LRPPRC: variants seen among roughly 807,000 people sequenced by gnomAD.
The protein encoded by LRPPRC is leucine-rich PPR motif-containing protein, mitochondrial.
LRPPRC carries 120 observed loss-of-function variants against 180.3 expected under a neutral mutation model. That is an observed-to-expected ratio of 0.67 (90% confidence interval 0.57 to 0.77). The LOEUF is 0.77. LRPPRC is among the 30% of genes least tolerant of loss of function. The pLI, the probability that LRPPRC is intolerant of heterozygous loss-of-function variation, is 0.00. For missense variants in LRPPRC, 2,012 were observed against 1,657.2 expected, an observed-to-expected ratio of 1.21 and a Z score of -3.72; for synonymous variants, 723 against 600.0, an observed-to-expected ratio of 1.21 and a Z score of -3.00.
chr2:43,979,409 T>C (rs940535352), intron 3 of LRPPRC, among the ~76,000 whole-genome samples: 1 of 152,174 alleles, frequency 6.6e-6, no homozygotes, highest in Non-Finnish European at 1.5e-5. Flanking sequence ...ATAATTTATT[T>C]ACCTAATCCC....
Position 43,943,806 on chromosome 2 carries a change from G to T in LRPPRC, c.2385C>A (p.Gly795=). ...TALSFFHMLN[G]AALRGEIETV... ...TTTCAATTTCACCTCTTAAAGCTGC[G>T]CCATTTAGCATGTGGAAAAAGGACA... Residue 795 remains glycine, a synonymous_variant, in exon 23 of 38, where the codon GGC becomes GGA. Coordinates refer to ENST00000260665, the MANE Select transcript of LRPPRC (RefSeq NM_133259.4). 1 of 1,613,330 alleles carries T rather than the reference G, an allele frequency of 6.2e-7. No homozygotes were observed.
At chr2:43,986,152 A>G in intron 1 of LRPPRC, among the ~76,000 whole-genome samples, 1 of 151,910 alleles carries the variant, frequency 6.6e-6, no homozygotes. Context: ...TTATTTTGAG[A>G]TGGAGTCTTG....
rs745666182 is a variant in LRPPRC at position 43,889,791 on chromosome 2, C to T, written c.4071G>A (p.Lys1357=). ...CATACTTCAGCAAAGATGCGTAACG[C>T]TTTAGAAACAGATCATCCAATTTTG... ...KNTKLDDLFL[K]RYASLLKYAG... The change falls in exon 37 of 38, where the codon AAG becomes AAA. Residue 1357 remains lysine, a synonymous_variant. Transcript: ENST00000260665. 1.2e-5 allele frequency: 19 copies of T among 1,611,694 alleles called. 1 individual carries two copies. In the Admixed American group the frequency reaches 3.2e-4, roughly 27 times the overall value.
In LRPPRC at chr2:43,979,956, A is replaced by T; in HGVS notation, c.347-8T>A. The stretch of plus-strand genomic sequence containing the variant: ...GACTACCACCTAGGCCACCTGTGGA[A>T]AAAAGGTTAATGGATAACATTTAAC... On this transcript the variant is annotated splice_polypyrimidine_tract_variant and splice_region_variant and intron_variant, in intron 2 of 37. Coordinates refer to ENST00000260665, the MANE Select transcript of LRPPRC (RefSeq NM_133259.4). The T allele has an allele frequency of 6.2e-7, 1 of 1,613,418 alleles. No individual in the cohort carries two copies. Among genetic ancestry groups the T allele is most frequent in the Non-Finnish European group, 8.5e-7 (1 of 1,179,416 alleles).
chr2:43,992,089 T>C (rs1489670023), intron 1 of LRPPRC, among the ~76,000 whole-genome samples: 2 of 152,092 alleles, frequency 1.3e-5, no homozygotes, highest in African/African-American at 2.4e-5. Context: ...GTGCACGTCA[T>C]AGTGTTAATG....
intron 30 of LRPPRC, among the ~76,000 whole-genome samples, chr2:43,909,131 A>G (rs1335467179): frequency 6.6e-6 from 1 of 152,244 alleles, no homozygotes; most frequent in African/African-American, 2.4e-5. Flanking sequence ...AGTTAGTTGG[A>G]TAATTCGTAA....
chr2:43,958,729 A>G (rs1673221004), intron 13 of LRPPRC, among the ~76,000 whole-genome samples: 1 of 152,144 alleles, frequency 6.6e-6, no homozygotes, highest in Non-Finnish European at 1.5e-5. Flanking sequence ...AAGATAATCC[A>G]TTTACTGTTC....
chr2:43,953,807 A>T (rs1210958371), intron 14 of LRPPRC, among the ~76,000 whole-genome samples: 1 of 152,204 alleles, frequency 6.6e-6, no homozygotes, highest in Non-Finnish European at 1.5e-5. Context: ...CAAAACAAAG[A>T]CACCAAGATT....
At chr2:43,905,138 CTG>C (rs764447237) in intron 31 of LRPPRC, among the ~76,000 whole-genome samples, 4 of 152,122 alleles carry the variant, frequency 2.6e-5, no homozygotes, top group African/African-American at 7.2e-5. Context: ...CAAACAAACA[CTG>C]TATTTTATTG....
intron 3 of LRPPRC, among the ~76,000 whole-genome samples, chr2:43,979,333 T>C (rs1483340717): frequency 6.6e-6 from 1 of 152,142 alleles, no homozygotes; most frequent in Non-Finnish European, 1.5e-5. Flanking sequence ...AACACCCCCA[T>C]TGGCATATAA....
intron 3 of LRPPRC, among the ~76,000 whole-genome samples, chr2:43,979,547 T>C (rs1167758259): frequency 1.3e-5 from 2 of 152,216 alleles, no homozygotes. Context: ...CTCGGTCAAA[T>C]GGTATGTGCA....
At chr2:43,899,373 C>T (rs1467148462) in intron 33 of LRPPRC, 39 bp from the exon 34 acceptor site, 4 of 1,603,954 alleles carry the variant, frequency 2.5e-6, no homozygotes, top group Admixed American at 3.3e-5. Flanking sequence ...TTCATTAGAA[C>T]AGTGGTATAA....
In LRPPRC at chr2:43,943,898, C is replaced by T. The variant is rs757520400; in HGVS notation, c.2297-4G>A. On this transcript the variant is annotated splice_polypyrimidine_tract_variant and splice_region_variant and intron_variant, in intron 22 of 37. Transcript: ENST00000260665. Reference sequence around the variant, plus strand: ...TCCTTCAGAATGTTAATAGCATCTACAATGAAGTAACACAAAAGACCCTTA... The same window carrying T: ...TCCTTCAGAATGTTAATAGCATCTATAATGAAGTAACACAAAAGACCCTTA... 2 of 1,602,842 alleles carry T rather than the reference C, an allele frequency of 1.2e-6. No individual in the cohort carries two copies. The highest frequency in any genetic ancestry group is 1.7e-6 in the Non-Finnish European group (2 of 1,170,014).
At chr2:43,930,246 A>T (rs1223673660) in intron 25 of LRPPRC, among the ~76,000 whole-genome samples, 1 of 151,488 alleles carries the variant, frequency 6.6e-6, no homozygotes, top group East Asian at 1.9e-4. Flanking sequence ...AGAGAGGGAA[A>T]AGTCAAGAAA....
At chr2:43,991,032 A>ATT (rs35612386) in intron 1 of LRPPRC, among the ~76,000 whole-genome samples, 89 of 129,678 alleles carry the variant, frequency 6.9e-4, no homozygotes, top group South Asian at 1.5e-3. Context: ...AGATACTTTT[A>ATT]TTTTTTTTTT....
At chr2:43,892,314 CA>C (rs1670520109) in intron 36 of LRPPRC, among the ~76,000 whole-genome samples, 1 of 152,226 alleles carries the variant, frequency 6.6e-6, no homozygotes, top group African/African-American at 2.4e-5. Flanking sequence ...ACTCTATTTT[CA>C]ATGGCTAATG....
chr2:43,956,478 CGTGTGTGTGTGTGTGT>C (rs56919652), intron 14 of LRPPRC, among the ~76,000 whole-genome samples: 10 of 142,570 alleles, frequency 7.0e-5, no homozygotes, highest in Admixed American at 6.5e-4. Context: ...AAGAAAAAAA[CGTGTGTGTGTGTGTGT>C]GTGTGTGTGT....
intron 29 of LRPPRC, among the ~76,000 whole-genome samples, chr2:43,913,659 C>G (rs1558926962): frequency 1.3e-5 from 2 of 152,070 alleles, no homozygotes; most frequent in Non-Finnish European, 2.9e-5. Context: ...TTAAGGAGAA[C>G]AGTTTGGGCA....
chr2:43,945,223 A>G (rs1011772373), intron 22 of LRPPRC, 109 bp downstream of exon 22: 1 of 793,260 alleles, frequency 1.3e-6, no homozygotes, highest in South Asian at 1.4e-5. Context: ...ATTTCTATGC[A>G]AAGTGTTCAA....
Sources: allele counts gnomAD v4.1 joint callset (sites outside exome capture counted in the v4.1 genomes callset), GRCh38; gene constraint gnomAD v4.1.1; transcripts MANE v1.5; gene names NCBI Gene and HGNC (gene_info 2026-07-23, HGNC 2026-07-21).